The following SP100 variants were observed in gnomAD, a reference collection of about 807,000 sequenced individuals.
The protein encoded by SP100 is SP100 nuclear body protein.
In SP100, 84 loss-of-function variants were observed where a neutral mutation model predicts 130.0. The observed-to-expected ratio is 0.65, with a 90% CI of 0.54 to 0.77. The LOEUF (loss-of-function observed/expected upper bound fraction) is 0.77, where lower values mean the gene tolerates loss of function less well. SP100 is among the 30% of genes least tolerant of loss of function. The pLI is 0.00. For synonymous variants in SP100, 331 were observed against 351.7 expected, an observed-to-expected ratio of 0.94 and a Z score of 0.66; for missense variants, 978 against 1,052.2, an observed-to-expected ratio of 0.93 and a Z score of 0.97.
chr2:230,436,048 A>G (rs563183894), intron 2 of SP100, among the ~76,000 whole-genome samples: 94 of 152,344 alleles, frequency 6.2e-4, no homozygotes, highest in African/African-American at 2.2e-3. Flanking sequence ...CAAGTGCACT[A>G]TACTTACATA....
At chr2:230,467,238 C>T in intron 13 of SP100, 23 bp downstream of exon 13, 4 of 1,544,752 alleles carry the variant, frequency 2.6e-6, no homozygotes, top group Non-Finnish European at 3.6e-6. Flanking sequence ...CCCTTGACTT[C>T]AGGGCTCTGA....
chr2:230,517,622 A>G (rs934391011), intron 24 of SP100, among the ~76,000 whole-genome samples: 4 of 152,008 alleles, frequency 2.6e-5, no homozygotes, highest in Non-Finnish European at 1.5e-5. Flanking sequence ...AAAATTAACC[A>G]GGCATGGTGG....
At chr2:230,468,825 A>AT in intron 13 of SP100, 1 of 208,922 alleles carries the variant, frequency 4.8e-6, no homozygotes, top group African/African-American at 3.4e-5. Context: ...CTCAAAAAAA[A>AT]AAAAAAAAAA....
At chr2:230,501,799 T>A (rs948078279) in intron 19 of SP100, among the ~76,000 whole-genome samples, 2 of 152,192 alleles carry the variant, frequency 1.3e-5, no homozygotes, top group Non-Finnish European at 2.9e-5. Flanking sequence ...ACGATGCAGA[T>A]CTAAACATAC....
intron 18 of SP100, among the ~76,000 whole-genome samples, chr2:230,497,544 GAGGAAAGGAA>G (rs1231660014): frequency 0.033 from 629 of 19,224 alleles, 28 homozygotes; most frequent in Admixed American, 0.044. Flanking sequence ...GAGGAGAGGA[GAGGAAAGGAA>G]AGGAAAGGAA....
rs1411529046 is a variant in SP100 at position 230,544,560 on chromosome 2, TCAC to T, written c.*1618_*1620del. ...CAGAGTGCAATGGCGTGATCTTGGC[TCAC>T]CACAACCTCTGCCTCCCGGGTTCAA... On this transcript the variant is annotated 3_prime_UTR_variant, in exon 29 of 29. Coordinates refer to ENST00000340126, the MANE Select transcript of SP100 (RefSeq NM_001080391.2). Among the ~76,000 whole-genome samples, 2 of 152,108 alleles carry T rather than the reference TCAC, an allele frequency of 1.3e-5. No homozygotes were observed. Among genetic ancestry groups the T allele is most frequent in the African/African-American group, 2.4e-5 (1 of 41,424 alleles).
In SP100 at chr2:230,503,048, G is replaced by A; in HGVS notation, c.1721-18G>A. ...TGCAATGTAAAGAGACATTTATGTT[G>A]TTTTTCAACTTTCTCAGGAAGAAAA... On this transcript the variant is annotated intron_variant, in intron 19 of 28. Coordinates refer to ENST00000340126, the MANE Select transcript of SP100 (RefSeq NM_001080391.2). 1 of 1,585,462 alleles carries A rather than the reference G, an allele frequency of 6.3e-7. No individual in the cohort carries two copies. Among genetic ancestry groups the A allele is most frequent in the Non-Finnish European group, 8.6e-7 (1 of 1,161,530 alleles).
At chr2:230,515,748 GT>G in intron 24 of SP100, 1 of 1,510,380 alleles carries the variant, frequency 6.6e-7, no homozygotes, top group Non-Finnish European at 8.7e-7. Context: ...TGTAAGATTT[GT>G]TTTTAAACCG....
Position 230,449,139 on chromosome 2 carries a change from C to A in SP100, c.575C>A (p.Pro192Gln), listed in dbSNP as rs144457041. ...RSLTWPPSGS[P>Q]SHAGTTPPEN... The stretch of plus-strand genomic sequence containing the variant: ...CTGACTTGGCCACCTTCGGGTTCCC[C>A]ATCTCATGCTGGTTTGTTCCTGTTT... The change falls in exon 6 of 29, where the codon CCA becomes CAA. Residue 192 changes from proline (P) to glutamine (Q), a missense_variant. Transcript: ENST00000340126. 1 of 1,614,006 alleles carries A rather than the reference C, an allele frequency of 6.2e-7. No individual in the cohort carries two copies.
intron 7 of SP100, 36 bp downstream of exon 7, chr2:230,449,746 C>A (rs1559494479): frequency 1.9e-6 from 3 of 1,611,128 alleles, no homozygotes. Context: ...TGGGGAGGAG[C>A]CAAGGGGCCC....
intron 8 of SP100, among the ~76,000 whole-genome samples, chr2:230,459,988 C>A (rs769547637): frequency 3.3e-5 from 5 of 152,238 alleles, no homozygotes; most frequent in Non-Finnish European, 5.9e-5. Flanking sequence ...CCCTTTCATG[C>A]CACATTCCCA....
At chr2:230,442,908 C>T (rs376540092) in intron 2 of SP100, 29 bp from the exon 3 acceptor site, 278 of 1,600,014 alleles carry the variant, frequency 1.7e-4, no homozygotes, top group Non-Finnish European at 2.1e-4. Context: ...TCTTGATGAC[C>T]ATTTTCACAT....
chr2:230,539,217 G>C (rs1236838740), intron 24 of SP100, 50 bp from the exon 25 acceptor site: 1 of 1,141,254 alleles, frequency 8.8e-7, no homozygotes, highest in African/African-American at 1.5e-5. Context: ...ACATATTCTA[G>C]GGTCCAAGGG....
At chr2:230,480,377 A>G (rs2065775370) in intron 17 of SP100, among the ~76,000 whole-genome samples, 1 of 152,230 alleles carries the variant, frequency 6.6e-6, no homozygotes, top group Non-Finnish European at 1.5e-5. Context: ...AAATAAAAGG[A>G]TGGGTAAAGA....
chr2:230,515,412 A>G (rs773629446), intron 24 of SP100: 3 of 1,613,926 alleles, frequency 1.9e-6, no homozygotes, highest in Non-Finnish European at 2.5e-6. Flanking sequence ...AGAAACTGGC[A>G]GGGATGTGGA....
intron 25 of SP100, 59 bp from the exon 26 acceptor site, chr2:230,540,817 T>C (rs1692144844): frequency 1.3e-6 from 2 of 1,569,284 alleles, no homozygotes; most frequent in African/African-American, 1.4e-5. Context: ...TGAACAACTG[T>C]AGGAATGGCG....
In SP100 at chr2:230,473,309, C is replaced by T. The variant is rs1259061034; in HGVS notation, c.1430-15C>T. The T allele has an allele frequency of 1.3e-6, 2 of 1,585,792 alleles. No individual in the cohort carries two copies. The highest frequency in any genetic ancestry group is 1.7e-6 in the Non-Finnish European group (2 of 1,155,368). On this transcript the variant is annotated splice_polypyrimidine_tract_variant and intron_variant, in intron 15 of 28. Transcript: ENST00000340126. ...GAGTGGGCACAAATAAAAATGTTTA[C>T]AAATCACAATTTAGGATCACAGCCA...
At position 230,467,170 on chromosome 2, in the gene SP100, G is replaced by T; in HGVS notation, c.1246G>T (p.Ala416Ser). The T allele has an allele frequency of 6.2e-7, 1 of 1,613,876 alleles. No homozygotes were observed. Among genetic ancestry groups the T allele is most frequent in the South Asian group, 1.1e-5 (1 of 91,078 alleles). The change falls in exon 13 of 29, where the codon GCA becomes TCA. Residue 416 changes from alanine (A) to serine (S), a missense_variant. Ala to Ser is a moderately conservative substitution (Grantham distance 99). Coordinates refer to ENST00000340126, the MANE Select transcript of SP100 (RefSeq NM_001080391.2). ...FSESSEEEAP[A>S]EASSGALRSK... ...AGAATCCAGTGAGGAGGAGGCGCCCGCAGAAGCCTCGAGCGGGGCACTGAG... is the reference window on the plus strand; with the variant it reads ...AGAATCCAGTGAGGAGGAGGCGCCCTCAGAAGCCTCGAGCGGGGCACTGAG...
chr2:230,539,985 T>C (rs1692104073), intron 25 of SP100, among the ~76,000 whole-genome samples: 1 of 152,176 alleles, frequency 6.6e-6, no homozygotes, highest in Non-Finnish European at 1.5e-5. Flanking sequence ...TGTCTGACTC[T>C]ATGAGGGCAG....
Sources: allele counts gnomAD v4.1 joint callset (sites outside exome capture counted in the v4.1 genomes callset), GRCh38; gene constraint gnomAD v4.1.1; transcripts MANE v1.5; gene names NCBI Gene and HGNC (gene_info 2026-07-23, HGNC 2026-07-21).